The following TNNI3K variants were observed in gnomAD, a reference collection of about 807,000 sequenced individuals.
The protein encoded by TNNI3K is TNNI3 interacting kinase.
Under a neutral mutation model 114.5 loss-of-function variants are expected in TNNI3K, and 140 were observed. That is an observed-to-expected ratio of 1.22 (90% confidence interval 1.07 to 1.41). The LOEUF is 1.41. TNNI3K is among the 40% of genes most tolerant of loss of function. The pLI, the probability that TNNI3K is intolerant of heterozygous loss-of-function variation, is 0.00. For synonymous variants in TNNI3K, 347 were observed against 347.5 expected (o/e 1.00, Z 0.02); for missense variants, 1,125 against 1,007.6 (o/e 1.12, Z -1.58).
chr1:74,419,831 G>T (rs1665309472), intron 17 of TNNI3K, among the ~76,000 whole-genome samples: 1 of 152,044 alleles, frequency 6.6e-6, no homozygotes, highest in East Asian at 1.9e-4. Context: ...TTTCATTTAT[G>T]CATTAAACAC....
Position 74,544,020 on chromosome 1 carries a change from G to A in TNNI3K, c.*38G>A, listed in dbSNP as rs201977909. ...TATACCTAAGGAGAGTTTTTTCCCC[G>A]AACTGACAGCAACGATTCCAACCAC... is the stretch of plus-strand genomic sequence containing the variant. On this transcript the variant is annotated 3_prime_UTR_variant, in exon 25 of 25. Transcript: ENST00000326637. 294 of 1,592,544 alleles carry A rather than the reference G, an allele frequency of 1.8e-4. 2 individuals are homozygous for A. The highest frequency in any genetic ancestry group is 2.0e-4 in the Admixed American group (11 of 56,082).
intron 23 of TNNI3K, among the ~76,000 whole-genome samples, chr1:74,500,431 G>A (rs1158675710): frequency 2.0e-5 from 3 of 151,022 alleles, no homozygotes; most frequent in East Asian, 3.9e-4. Context: ...GTGAAACCCC[G>A]TCTCTACTAA....
At chr1:74,348,812 T>C (rs1278049201) in intron 9 of TNNI3K, among the ~76,000 whole-genome samples, 86 of 151,770 alleles carry the variant, frequency 5.7e-4, no homozygotes, top group African/African-American at 2.0e-3. Flanking sequence ...GTTATTGGTG[T>C]ATAAGAATGC....
At chr1:74,389,062 T>C (rs1488647064) in intron 17 of TNNI3K, among the ~76,000 whole-genome samples, 1 of 152,182 alleles carries the variant, frequency 6.6e-6, no homozygotes, top group African/African-American at 2.4e-5. Flanking sequence ...ATCAGCTAAC[T>C]GCAAGGGAAC....
chr1:74,469,534 T>C (rs188372034), intron 21 of TNNI3K: 1 of 179,652 alleles, frequency 5.6e-6, no homozygotes, highest in East Asian at 1.4e-4. Flanking sequence ...CAAATGTAAA[T>C]CTGCTCAAAT....
intron 23 of TNNI3K, 81 bp downstream of exon 23, chr1:74,492,347 T>A (rs1669124057): frequency 1.5e-6 from 2 of 1,349,044 alleles, no homozygotes; most frequent in Admixed American, 5.2e-5. Context: ...TTGATTACTA[T>A]TAACAGGGTT....
chr1:74,417,895 A>G (rs1023386073), intron 17 of TNNI3K, among the ~76,000 whole-genome samples: 2 of 152,096 alleles, frequency 1.3e-5, no homozygotes, highest in African/African-American at 4.8e-5. Flanking sequence ...GGCTGCTAAA[A>G]AATAAAAATC....
At chr1:74,412,403 T>C (rs899116934) in intron 17 of TNNI3K, among the ~76,000 whole-genome samples, 7 of 152,116 alleles carry the variant, frequency 4.6e-5, no homozygotes, top group Non-Finnish European at 4.4e-5. Context: ...AGCAGAGGCT[T>C]GATATATACT....
chr1:74,245,453 G>A (rs1472033971), intron 2 of TNNI3K, among the ~76,000 whole-genome samples: 3 of 152,156 alleles, frequency 2.0e-5, no homozygotes, highest in African/African-American at 4.8e-5. Flanking sequence ...GTGCTCCCAG[G>A]ACATTTTTCA....
chr1:74,334,561 T>C lies in TNNI3K; in HGVS notation c.544-1450T>C, dbSNP rs144418443. Among the ~76,000 whole-genome samples the C allele has an allele frequency of 2.5e-3, 380 of 152,302 alleles. 1 individual carries two copies. Among genetic ancestry groups the C allele is most frequent in the African/African-American group, 8.2e-3 (341 of 41,550 alleles). On this transcript the variant is annotated intron_variant, in intron 6 of 24. Coordinates refer to ENST00000326637, the MANE Select transcript of TNNI3K (RefSeq NM_015978.3). ...GCCAATATCAAGTTTACAGAAGTTATTTGGAAAGTTCTTAAGTATATATAT... is the reference window on the plus strand; with the variant it reads ...GCCAATATCAAGTTTACAGAAGTTACTTGGAAAGTTCTTAAGTATATATAT...
intron 17 of TNNI3K, among the ~76,000 whole-genome samples, chr1:74,401,576 A>T (rs959629729): frequency 2.6e-5 from 4 of 152,238 alleles, no homozygotes; most frequent in African/African-American, 9.6e-5. Flanking sequence ...AAGAATATTT[A>T]ATGAGCTACA....
rs12024692 is a variant in TNNI3K at position 74,504,441 on chromosome 1, G to C, written c.2351+12175G>C. On this transcript the variant is annotated intron_variant, in intron 23 of 24. Coordinates refer to ENST00000326637, the MANE Select transcript of TNNI3K (RefSeq NM_015978.3). ...AACAAAGGTGTGCAGCCTCAAAGTT[G>C]AGGAGCATGTGAAAAATGTCAATCT... 1.7e-4 allele frequency among the ~76,000 whole-genome samples: 26 copies of C among 152,290 alleles called. No homozygotes were observed. In the East Asian group the frequency reaches 4.2e-3, roughly 25 times the overall value.
intron 2 of TNNI3K, among the ~76,000 whole-genome samples, chr1:74,244,964 A>G (rs572853556): frequency 1.3e-5 from 2 of 152,280 alleles, no homozygotes; most frequent in East Asian, 3.9e-4. Flanking sequence ...AAGTTTAAAT[A>G]AGAGAATCTC....
At chr1:74,418,757 C>A (rs1665255562) in intron 17 of TNNI3K, among the ~76,000 whole-genome samples, 1 of 151,220 alleles carries the variant, frequency 6.6e-6, no homozygotes, top group Admixed American at 6.6e-5. Flanking sequence ...AAAAAAAAAA[C>A]ACATAAAAAT....
chr1:74,389,864 G>C (rs1250969571), intron 17 of TNNI3K, among the ~76,000 whole-genome samples: 1 of 152,116 alleles, frequency 6.6e-6, no homozygotes, highest in East Asian at 1.9e-4. Flanking sequence ...AATAGCAGTG[G>C]GGGTAAAACA....
chr1:74,407,046 T>G (rs1664649962), intron 17 of TNNI3K, among the ~76,000 whole-genome samples: 1 of 152,224 alleles, frequency 6.6e-6, no homozygotes, highest in African/African-American at 2.4e-5. Context: ...CAATTTGAGC[T>G]ATTTTTAAGC....
intron 17 of TNNI3K, among the ~76,000 whole-genome samples, chr1:74,421,950 T>TTTATTATTA (rs137874168): frequency 1.3e-4 from 19 of 145,410 alleles, no homozygotes; most frequent in African/African-American, 3.2e-4. Flanking sequence ...CTGGATTGCT[T>TTTATTATTA]TTATTATTAT....
chr1:74,335,973 G>T, intron 6 of TNNI3K, 38 bp from the exon 7 acceptor site: 1 of 1,529,044 alleles, frequency 6.5e-7, no homozygotes, highest in South Asian at 1.3e-5. Flanking sequence ...ATTATTGTTT[G>T]AATTTTTATA....
intron 17 of TNNI3K, among the ~76,000 whole-genome samples, chr1:74,385,657 C>A (rs1663434519): frequency 6.6e-6 from 1 of 152,036 alleles, no homozygotes; most frequent in Non-Finnish European, 1.5e-5. Context: ...GAATACAAAC[C>A]TGTATCACAC....
Sources: gnomAD v4.1 joint callset for allele counts (sites outside exome capture counted in the v4.1 genomes callset) on GRCh38, gnomAD v4.1.1 for gene constraint, MANE v1.5 for transcripts, NCBI Gene and HGNC (gene_info 2026-07-23, HGNC 2026-07-21) for gene names.